The following TMTC2 variants were observed in gnomAD, a reference collection of about 807,000 sequenced individuals.
TMTC2 encodes the protein transmembrane O-mannosyltransferase targeting cadherins 2.
In TMTC2, 43 loss-of-function variants were observed where a neutral mutation model predicts 82.4. The observed-to-expected ratio is 0.52, with a 90% CI of 0.41 to 0.67. TMTC2 has a LOEUF of 0.67. Ranked by LOEUF, TMTC2 falls within the 30% of genes least tolerant of loss-of-function variation. The probability of loss-of-function intolerance (pLI) is 0.00; values close to 1 mark genes in which losing one functional copy is unlikely to be tolerated. For missense variants in TMTC2, 919 were observed against 1,012.4 expected (o/e 0.91, Z 1.25); for synonymous variants, 408 against 381.9 (o/e 1.07, Z -0.80).
chr12:82,696,662 A>T (rs1306930733), intron 1 of TMTC2, among the ~76,000 whole-genome samples: 1 of 152,066 alleles, frequency 6.6e-6, no homozygotes, highest in African/African-American at 2.4e-5. Flanking sequence ...TGAAATCAGT[A>T]TTTCAAAACC....
At chr12:82,900,864 TATATATATATAGGAATATATATACCTGGA>T (rs1368308798) in intron 3 of TMTC2, among the ~76,000 whole-genome samples, 1 of 125,256 alleles carries the variant, frequency 8.0e-6, no homozygotes, top group Non-Finnish European at 1.6e-5. Context: ...ATACCTGGAA[TATATATATATAGGAATATATATACCTGGA>T]ATATATATAT....
At chr12:83,001,896 A>G (rs536609791) in intron 8 of TMTC2, among the ~76,000 whole-genome samples, 80 of 152,300 alleles carry the variant, frequency 5.3e-4, no homozygotes, top group Non-Finnish European at 9.0e-4. Flanking sequence ...CTAGATTAAC[A>G]AAGAAAAAAA....
At chr12:83,005,156 A>G (rs1156906569) in intron 8 of TMTC2, among the ~76,000 whole-genome samples, 1 of 148,068 alleles carries the variant, frequency 6.8e-6, no homozygotes, top group African/African-American at 2.5e-5. Context: ...GTGAGCCCAG[A>G]TTGCACCATT....
intron 9 of TMTC2, among the ~76,000 whole-genome samples, chr12:83,031,451 T>G (rs145880438): frequency 2.0e-5 from 3 of 151,182 alleles, no homozygotes; most frequent in African/African-American, 7.4e-5. Flanking sequence ...TCTGTCACAC[T>G]CTGCTCTGTC....
intron 10 of TMTC2, among the ~76,000 whole-genome samples, chr12:83,059,736 A>G (rs1237442353): frequency 6.6e-6 from 1 of 151,694 alleles, no homozygotes; most frequent in Non-Finnish European, 1.5e-5. Flanking sequence ...TAAGTTTATT[A>G]TTATTTTCAA....
At chr12:82,899,809 ATCCGGAATAT>A (rs1427536564) in intron 3 of TMTC2, among the ~76,000 whole-genome samples, 30 of 140,834 alleles carry the variant, frequency 2.1e-4, no homozygotes, top group African/African-American at 7.3e-4. Context: ...ATATATATAT[ATCCGGAATAT>A]AGATATAGGA....
chr12:83,087,630 G>A (rs931848059), intron 11 of TMTC2, among the ~76,000 whole-genome samples: 18 of 152,202 alleles, frequency 1.2e-4, no homozygotes, highest in African/African-American at 4.3e-4. Context: ...ATTTCCTTGT[G>A]CATCTTCATT....
intron 11 of TMTC2, among the ~76,000 whole-genome samples, chr12:83,089,542 G>T (rs985199974): frequency 6.6e-6 from 1 of 152,086 alleles, no homozygotes; most frequent in Admixed American, 6.5e-5. Context: ...GTAGTCACCA[G>T]GGTACCATAA....
At chr12:82,722,874 G>C (rs1874278251) in intron 1 of TMTC2, among the ~76,000 whole-genome samples, 1 of 152,100 alleles carries the variant, frequency 6.6e-6, no homozygotes, top group African/African-American at 2.4e-5. Flanking sequence ...AAAAAATTCT[G>C]GGTCTTTCCC....
intron 8 of TMTC2, chr12:82,986,663 G>A (rs993061170): frequency 2.6e-5 from 4 of 152,548 alleles, no homozygotes; most frequent in African/African-American, 9.7e-5. Flanking sequence ...AAATCATTCT[G>A]TAAGAGAAGG....
chr12:82,712,314 C>T (rs951991031), intron 1 of TMTC2, among the ~76,000 whole-genome samples: 2 of 151,904 alleles, frequency 1.3e-5, no homozygotes, highest in Non-Finnish European at 2.9e-5. Context: ...CCTGTAATCC[C>T]AGCTACTCGG....
intron 8 of TMTC2, among the ~76,000 whole-genome samples, chr12:83,011,989 A>G (rs1052469050): frequency 2.6e-5 from 4 of 152,302 alleles, no homozygotes; most frequent in African/African-American, 7.2e-5. Context: ...GATTGGCCCA[A>G]TTCACATGAA....
chr12:82,805,669 G>A (rs961863000), intron 1 of TMTC2, among the ~76,000 whole-genome samples: 10 of 151,568 alleles, frequency 6.6e-5, no homozygotes, highest in Admixed American at 1.3e-4. Flanking sequence ...CACCACGCCC[G>A]GCTTTTTTTG....
intron 2 of TMTC2, among the ~76,000 whole-genome samples, chr12:82,885,040 C>T (rs997793897): frequency 6.6e-6 from 1 of 151,690 alleles, no homozygotes; most frequent in African/African-American, 2.4e-5. Context: ...ACTACAAGCA[C>T]AAGCCACCAC....
intron 3 of TMTC2, among the ~76,000 whole-genome samples, chr12:82,913,877 A>T (rs1874844635): frequency 6.6e-6 from 1 of 152,222 alleles, no homozygotes; most frequent in African/African-American, 2.4e-5. Flanking sequence ...CAATTCCCAC[A>T]GTTGGCCCTG....
At chr12:83,028,380 A>G (rs913232491) in intron 8 of TMTC2, among the ~76,000 whole-genome samples, 5 of 152,232 alleles carry the variant, frequency 3.3e-5, no homozygotes, top group Non-Finnish European at 1.5e-5. Flanking sequence ...AGCAGAAAGT[A>G]CAGAGTGTTC....
At chr12:82,885,536 A>ATT (rs10645908) in intron 2 of TMTC2, among the ~76,000 whole-genome samples, 15,915 of 146,058 alleles carry the variant, frequency 0.11, 2,921 homozygotes, top group African/African-American at 0.38. Flanking sequence ...TGTCTGGCTA[A>ATT]TTTTTTTTTT....
chr12:82,935,547 C>T (rs929946395), intron 4 of TMTC2, among the ~76,000 whole-genome samples: 1 of 152,134 alleles, frequency 6.6e-6, no homozygotes, highest in African/African-American at 2.4e-5. Context: ...CACTTTCAAC[C>T]TCTTCGCTAC....
At chr12:82,866,047 C>G (rs1186604423) in intron 2 of TMTC2, among the ~76,000 whole-genome samples, 1 of 152,008 alleles carries the variant, frequency 6.6e-6, no homozygotes, top group Middle Eastern at 3.2e-3. Context: ...GAAATGCCCT[C>G]AAGAGAAAGC....
Sources: allele counts gnomAD v4.1 joint callset (sites outside exome capture counted in the v4.1 genomes callset), GRCh38; gene constraint gnomAD v4.1.1; transcripts MANE v1.5; gene names NCBI Gene and HGNC (gene_info 2026-07-23, HGNC 2026-07-21).